The following DEFB1 variants were observed in gnomAD, a reference collection of about 807,000 sequenced individuals.
DEFB1 encodes beta-defensin 1.
DEFB1 carries 4 observed loss-of-function variants against 2.6 expected under a neutral mutation model. The observed-to-expected ratio is 1.53, with a 90% CI of 0.76 to 3.51. DEFB1 has a LOEUF of 3.51. Among genes scored for constraint, DEFB1 ranks in the 30% most tolerant of loss-of-function variants. DEFB1 has a pLI of 0.01. For missense variants in DEFB1, 162 were observed against 76.9 expected, an observed-to-expected ratio of 2.11 and a Z score of -4.14; for synonymous variants, 56 against 28.5, an observed-to-expected ratio of 1.96 and a Z score of -3.07.
intron 1 of DEFB1, among the ~76,000 whole-genome samples, chr8:6,871,716 C>T (rs1030726900): frequency 6.6e-6 from 1 of 152,166 alleles, no homozygotes; most frequent in Non-Finnish European, 1.5e-5. Flanking sequence ...TTGGGACAGA[C>T]ACACACAGAG....
At chr8:6,876,545 C>T (rs954609826) in intron 1 of DEFB1, among the ~76,000 whole-genome samples, 1 of 152,084 alleles carries the variant, frequency 6.6e-6, no homozygotes, top group Non-Finnish European at 1.5e-5. Flanking sequence ...CCTATAATCC[C>T]AGAACTTTGG....
intron 1 of DEFB1, among the ~76,000 whole-genome samples, chr8:6,877,224 A>G (rs1248639707): frequency 1.3e-5 from 2 of 152,202 alleles, no homozygotes; most frequent in African/African-American, 2.4e-5. Context: ...GCTGACATAC[A>G]CCTGGCTCAC....
Position 6,871,435 on chromosome 8 carries a change from C to G in DEFB1, c.62-609G>C, listed in dbSNP as rs1176033929. Among the ~76,000 whole-genome samples the G allele has an allele frequency of 2.6e-5, 4 of 152,168 alleles. No homozygotes were observed. The East Asian group carries it at 7.7e-4, about 29-fold the overall frequency. On this transcript the variant is annotated intron_variant, in intron 1 of 1. Transcript: ENST00000297439. ...AGATCTGATAAATAGAGACAGTACT[C>G]TGGAATAGCCTTCTATTCCATGCAA...
intron 1 of DEFB1, among the ~76,000 whole-genome samples, chr8:6,872,085 C>G (rs565817599): frequency 2.6e-5 from 4 of 152,222 alleles, no homozygotes; most frequent in Non-Finnish European, 4.4e-5. Context: ...TTGAAAAACT[C>G]TTCTCATTGT....
At chr8:6,877,645 C>G (rs1001671257) in intron 1 of DEFB1, 152 bp downstream of exon 1, 1 of 672,370 alleles carries the variant, frequency 1.5e-6, no homozygotes, top group South Asian at 1.8e-5. Flanking sequence ...TGCCTGCTGC[C>G]TTCTGCCAAC....
intron 1 of DEFB1, among the ~76,000 whole-genome samples, chr8:6,872,193 A>G (rs1806348104): frequency 6.6e-6 from 1 of 151,816 alleles, no homozygotes; most frequent in Admixed American, 6.6e-5. Context: ...GAAGCCTGGT[A>G]TCAATACAGA....
intron 1 of DEFB1, among the ~76,000 whole-genome samples, chr8:6,875,103 CACACA>C (rs1806477247): frequency 6.6e-6 from 1 of 150,956 alleles, no homozygotes; most frequent in Non-Finnish European, 1.5e-5. Flanking sequence ...CACACACACA[CACACA>C]CCCCATTGCC....
At position 6,870,823 on chromosome 8, in the gene DEFB1, C is replaced by T. The variant is rs934099704; in HGVS notation, c.65G>A (p.Gly22Asp). Residue 22 changes from glycine to aspartate, a missense_variant, in exon 2 of 2, where the codon GGT (glycine) becomes GAT (aspartate). Physicochemically the swap from Gly to Asp is moderately conservative, Grantham distance 94. Coordinates refer to ENST00000297439, the MANE Select transcript of DEFB1 (RefSeq NM_005218.4). The part of the protein sequence containing the change: ...CLLLSEMASG[G>D]NFLTGLGHRS... Reference sequence around the variant, plus strand: ...GTGGCCAAGGCCTGTGAGAAAGTTACCACCTGTAAGGAGGGAACACAAACA... The same window carrying T: ...GTGGCCAAGGCCTGTGAGAAAGTTATCACCTGTAAGGAGGGAACACAAACA... 2.5e-6 allele frequency: 4 copies of T among 1,612,428 alleles called. No homozygotes were observed. Among genetic ancestry groups the T allele is most frequent in the Non-Finnish European group, 3.4e-6 (4 of 1,179,354 alleles).
intron 1 of DEFB1, among the ~76,000 whole-genome samples, chr8:6,875,095 CA>C (rs1239291035): frequency 5.0e-4 from 76 of 151,646 alleles, no homozygotes; most frequent in African/African-American, 1.7e-3. Flanking sequence ...CACACACACA[CA>C]CACACACACA....
chr8:6,871,278 T>G (rs1806300443), intron 1 of DEFB1, among the ~76,000 whole-genome samples: 1 of 152,134 alleles, frequency 6.6e-6, no homozygotes, highest in Admixed American at 6.5e-5. Flanking sequence ...CCCGGCCCCC[T>G]CACTTCCCAC....
chr8:6,871,827 C>T (rs1986497), intron 1 of DEFB1, among the ~76,000 whole-genome samples: 26,801 of 152,140 alleles, frequency 0.18, 2,586 homozygotes, highest in Admixed American at 0.24. Flanking sequence ...TCGCAGACTT[C>T]CTGCCTCCAG....
rs748500435 is a variant in DEFB1, at chr8:6,870,824, C to T, written c.64G>A (p.Gly22Ser). 6.8e-6 allele frequency: 11 copies of T among 1,612,274 alleles called. No individual in the cohort carries two copies. Among genetic ancestry groups the T allele is most frequent in the Non-Finnish European group, 8.5e-6 (10 of 1,179,344 alleles). ...CLLLSEMASGGNFLTGLGHRS... is the reference protein window; with the variant it reads ...CLLLSEMASGSNFLTGLGHRS... Reference sequence around the variant, plus strand: ...TGGCCAAGGCCTGTGAGAAAGTTACCACCTGTAAGGAGGGAACACAAACAC... The same window carrying T: ...TGGCCAAGGCCTGTGAGAAAGTTACTACCTGTAAGGAGGGAACACAAACAC... The change falls in exon 2 of 2, where the codon GGT (glycine) becomes AGT (serine). Residue 22 changes from glycine (G) to serine (S), a missense_variant and splice_region_variant. Gly to Ser is a moderately conservative substitution (Grantham distance 56). Coordinates refer to ENST00000297439, the MANE Select transcript of DEFB1 (RefSeq NM_005218.4).
At chr8:6,874,604 T>C (rs1425257269) in intron 1 of DEFB1, among the ~76,000 whole-genome samples, 1 of 152,154 alleles carries the variant, frequency 6.6e-6, no homozygotes, top group Admixed American at 6.5e-5. Context: ...AGATAGAGTG[T>C]AGAAAGAGGC....
At chr8:6,873,407 G>C (rs190240464) in intron 1 of DEFB1, among the ~76,000 whole-genome samples, 2 of 152,300 alleles carry the variant, frequency 1.3e-5, no homozygotes, top group African/African-American at 2.4e-5. Flanking sequence ...GTTAGTGAGA[G>C]GGTACTTTGA....
chr8:6,875,876 A>G (rs997503028), intron 1 of DEFB1, among the ~76,000 whole-genome samples: 1 of 151,660 alleles, frequency 6.6e-6, no homozygotes, highest in Non-Finnish European at 1.5e-5. Flanking sequence ...TGTAAAGAAT[A>G]TGAAAAGTTA....
At chr8:6,875,892 A>G (rs1806508806) in intron 1 of DEFB1, among the ~76,000 whole-genome samples, 1 of 152,210 alleles carries the variant, frequency 6.6e-6, no homozygotes, top group East Asian at 1.9e-4. Flanking sequence ...AGTTACCACC[A>G]TAAAAGTCAA....
rs5743477 is a variant in DEFB1, at chr8:6,873,009, G to A, written c.62-2183C>T. ...ATAAATTTGAAAGCACTTTGAAATCGAGAAGGTTTATACATCTTTGTTCTT... is the reference window on the plus strand; with the variant it reads ...ATAAATTTGAAAGCACTTTGAAATCAAGAAGGTTTATACATCTTTGTTCTT... On this transcript the variant is annotated intron_variant, in intron 1 of 1. Transcript: ENST00000297439. Among the ~76,000 whole-genome samples, 347 of 152,316 alleles carry A rather than the reference G, an allele frequency of 2.3e-3. 3 individuals are homozygous for A. Among genetic ancestry groups the A allele is most frequent in the African/African-American group, 7.9e-3 (330 of 41,566 alleles).
At chr8:6,877,708 G>T in intron 1 of DEFB1, 89 bp downstream of exon 1, 1 of 1,193,132 alleles carries the variant, frequency 8.4e-7, no homozygotes, top group Non-Finnish European at 1.2e-6. Context: ...CTCGTCCCTT[G>T]GGACACGGAG....
intron 1 of DEFB1, among the ~76,000 whole-genome samples, chr8:6,875,541 A>G (rs1289919099): frequency 6.6e-6 from 1 of 152,224 alleles, no homozygotes; most frequent in Non-Finnish European, 1.5e-5. Flanking sequence ...TATCAGGGAA[A>G]TGCAGATTAA....
Sources: allele counts gnomAD v4.1 joint callset (sites outside exome capture counted in the v4.1 genomes callset), GRCh38; gene constraint gnomAD v4.1.1; transcripts MANE v1.5; gene names NCBI Gene and HGNC (gene_info 2026-07-23, HGNC 2026-07-21).